DPYD: variants seen among roughly 807,000 people sequenced by gnomAD.
The protein encoded by DPYD is dihydropyrimidine dehydrogenase, also known as dihydropyrimidine dehydrogenase [NADP(+)].
A neutral mutation model predicts 116.2 loss-of-function variants in DPYD; 109 were observed. That is an observed-to-expected ratio of 0.94 (90% CI 0.80 to 1.10). The LOEUF (loss-of-function observed/expected upper bound fraction) is 1.10. DPYD is among the 50% of genes least tolerant of loss of function. The probability of loss-of-function intolerance (pLI) is 0.00; values close to 1 mark genes in which losing one functional copy is unlikely to be tolerated. For missense variants in DPYD, 1,302 were observed against 1,254.5 expected, an observed-to-expected ratio of 1.04 and a Z score of -0.57; for synonymous variants, 440 against 432.0, an observed-to-expected ratio of 1.02 and a Z score of -0.23.
chr1:97,582,510 A>C (rs147004558), intron 10 of DPYD, among the ~76,000 whole-genome samples: 100 of 152,312 alleles, frequency 6.6e-4, no homozygotes, highest in African/African-American at 2.3e-3. Flanking sequence ...TTTACTAAAC[A>C]GTTTTTTAAT....
chr1:97,212,546 T>C (rs1158800960), intron 19 of DPYD, among the ~76,000 whole-genome samples: 1 of 152,024 alleles, frequency 6.6e-6, no homozygotes, highest in Non-Finnish European at 1.5e-5. Flanking sequence ...GCAAGTCTTT[T>C]TTTCTGGATA....
chr1:97,546,591 T>A, intron 12 of DPYD: 1 of 1,609,182 alleles, frequency 6.2e-7, no homozygotes, highest in Non-Finnish European at 8.5e-7. Flanking sequence ...TAACACATCC[T>A]GTGTATAGCC....
intron 12 of DPYD, among the ~76,000 whole-genome samples, 168 bp from the exon 13 acceptor site, chr1:97,516,109 T>C (rs1310192946): frequency 6.6e-6 from 1 of 152,014 alleles, no homozygotes; most frequent in East Asian, 1.9e-4. Flanking sequence ...ACTGAATTCA[T>C]ATAATATGGC....
intron 13 of DPYD, among the ~76,000 whole-genome samples, chr1:97,507,302 A>G (rs1647413033): frequency 6.6e-6 from 1 of 151,996 alleles, no homozygotes; most frequent in Non-Finnish European, 1.5e-5. Flanking sequence ...AAAAGCTTAC[A>G]TTGAATTTAT....
intron 8 of DPYD, among the ~76,000 whole-genome samples, chr1:97,599,425 G>GA (rs147162531): frequency 1.0e-4 from 15 of 146,706 alleles, no homozygotes; most frequent in Middle Eastern, 3.5e-3. Context: ...AGTAATAAGA[G>GA]AAAAAAAAAA....
At chr1:97,547,177 T>C (rs769238840) in intron 12 of DPYD, among the ~76,000 whole-genome samples, 3 of 152,114 alleles carry the variant, frequency 2.0e-5, no homozygotes, top group East Asian at 3.9e-4. Flanking sequence ...AAGTATGGGA[T>C]GGTGCATTTA....
intron 20 of DPYD, among the ~76,000 whole-genome samples, chr1:97,177,788 G>A (rs1657393466): frequency 6.6e-6 from 1 of 151,972 alleles, no homozygotes; most frequent in Non-Finnish European, 1.5e-5. Context: ...GTCTGTTCAG[G>A]CTGCTATAAT....
intron 3 of DPYD, among the ~76,000 whole-genome samples, chr1:97,789,186 A>T (rs962188925): frequency 9.9e-5 from 15 of 152,264 alleles, no homozygotes; most frequent in Admixed American, 6.5e-4. Context: ...ATTCATAGTG[A>T]CCCAGAATCT....
chr1:97,566,866 A>G (rs796247663), intron 11 of DPYD, among the ~76,000 whole-genome samples: 3 of 152,204 alleles, frequency 2.0e-5, no homozygotes, highest in Non-Finnish European at 2.9e-5. Flanking sequence ...ATGTTCTAGC[A>G]TTCTCAATTT....
intron 18 of DPYD, among the ~76,000 whole-genome samples, chr1:97,291,972 T>G (rs1281047517): frequency 1.3e-5 from 2 of 152,176 alleles, no homozygotes; most frequent in Non-Finnish European, 2.9e-5. Flanking sequence ...AAACAAACAT[T>G]TTAAATTTTT....
intron 13 of DPYD, among the ~76,000 whole-genome samples, chr1:97,477,766 G>A (rs940270013): frequency 1.0e-3 from 159 of 151,510 alleles, no homozygotes; most frequent in Non-Finnish European, 1.2e-3. Flanking sequence ...GACTACAGGC[G>A]CCCGCCACCG....
intron 13 of DPYD, among the ~76,000 whole-genome samples, chr1:97,493,391 GA>G (rs1282748811): frequency 6.6e-6 from 1 of 152,066 alleles, no homozygotes; most frequent in African/African-American, 2.4e-5. Flanking sequence ...GTTCAAATCA[GA>G]AAAAACTTTT....
intron 21 of DPYD, among the ~76,000 whole-genome samples, chr1:97,086,619 T>C (rs1203160034): frequency 6.6e-6 from 1 of 152,222 alleles, no homozygotes; most frequent in African/African-American, 2.4e-5. Flanking sequence ...TTCTACTGCA[T>C]GCCTATGGCT....
chr1:97,594,575 G>C, intron 9 of DPYD, among the ~76,000 whole-genome samples: 1 of 152,082 alleles, frequency 6.6e-6, no homozygotes, highest in Non-Finnish European at 1.5e-5. Context: ...CTCTGGTCAG[G>C]CCAAACCAAG....
intron 9 of DPYD, 146 bp downstream of exon 9, chr1:97,594,913 C>T: frequency 3.9e-6 from 2 of 507,464 alleles, no homozygotes; most frequent in Admixed American, 3.4e-5. Context: ...TATACCCGGC[C>T]TTTTTTTTTT....
At chr1:97,492,000 C>A (rs1476954513) in intron 13 of DPYD, among the ~76,000 whole-genome samples, 2 of 152,040 alleles carry the variant, frequency 1.3e-5, no homozygotes, top group Admixed American at 6.6e-5. Flanking sequence ...TGTTTCAATG[C>A]CTCAAAAAGA....
At chr1:97,458,204 A>AT (rs1347005959) in intron 13 of DPYD, among the ~76,000 whole-genome samples, 3 of 152,150 alleles carry the variant, frequency 2.0e-5, no homozygotes, top group Admixed American at 6.6e-5. Context: ...AGTGATAAAT[A>AT]TTTTTTAAAA....
intron 2 of DPYD, among the ~76,000 whole-genome samples, chr1:97,861,060 C>T (rs557926645): frequency 6.6e-6 from 1 of 151,750 alleles, no homozygotes; most frequent in African/African-American, 2.4e-5. Flanking sequence ...ATAGAACTGA[C>T]GTTACAGACA....
intron 14 of DPYD, among the ~76,000 whole-genome samples, chr1:97,449,237 C>T (rs1676260032): frequency 6.6e-6 from 1 of 152,012 alleles, no homozygotes; most frequent in Admixed American, 6.5e-5. Context: ...AAAATATTTT[C>T]GATGACATAA....
Sources: gnomAD v4.1 joint callset for allele counts (sites outside exome capture counted in the v4.1 genomes callset) on GRCh38, gnomAD v4.1.1 for gene constraint, MANE v1.5 for transcripts, NCBI Gene and HGNC (gene_info 2026-07-23, HGNC 2026-07-21) for gene names.